PITPNM3: variants seen among roughly 807,000 people sequenced by gnomAD.
The protein encoded by PITPNM3 is PITPNM family member 3.
A neutral mutation model predicts 102.0 loss-of-function variants in PITPNM3; 26 were observed. The observed-to-expected ratio is 0.25, with a 90% CI of 0.19 to 0.35. The LOEUF is 0.35. Among genes scored for constraint, PITPNM3 ranks in the 10% least tolerant of loss-of-function variants. PITPNM3 has a pLI of 1.00. For missense variants in PITPNM3, 1,083 were observed against 1,346.1 expected (o/e 0.80, Z 3.06); for synonymous variants, 578 against 558.6 (o/e 1.03, Z -0.49).
At position 6,471,219 on chromosome 17, in the gene PITPNM3, G is replaced by A. The variant is rs1020154569; in HGVS notation, c.1566C>T (p.Ser522=). 1 of 1,613,312 alleles carries A rather than the reference G, an allele frequency of 6.2e-7. No individual in the cohort carries two copies. The part of the protein sequence containing the change: ...QRPGRRMSEG[S]SHSESSESSD... ...AGGACTCCGAGCTCTCGCTGTGGGA[G>A]CTCCCCTCGCTCATCCTCCGTCCTG... The change falls in exon 12 of 20, where the codon AGC becomes AGT. Residue 522 remains serine, a synonymous_variant. Transcript: ENST00000262483.
Position 6,472,646 on chromosome 17 carries a change from C to G in PITPNM3, c.1429+11G>C. ...AGCTCAGCACACTCTCTCCCACCCC[C>G]AAGAACCTACCGAGGAGGAGGGACT... On this transcript the variant is annotated intron_variant, in intron 11 of 19. Coordinates refer to ENST00000262483, the MANE Select transcript of PITPNM3 (RefSeq NM_031220.4). This position sits in a 1 kb window ranked among gnomAD's most constrained non-coding sequence, Gnocchi z 4.1. The G allele has an allele frequency of 6.2e-7, 1 of 1,610,772 alleles. No individual in the cohort carries two copies. Among genetic ancestry groups the G allele is most frequent in the Admixed American group, 1.7e-5 (1 of 59,786 alleles).
At chr17:6,491,460 T>C (rs974102658) in intron 4 of PITPNM3, among the ~76,000 whole-genome samples, 7 of 152,046 alleles carry the variant, frequency 4.6e-5, no homozygotes, top group African/African-American at 1.7e-4. Flanking sequence ...ACAGGGGAAA[T>C]TTTTAGCCAA....
intron 1 of PITPNM3, among the ~76,000 whole-genome samples, chr17:6,541,286 A>AGTGTGT (rs113549938): frequency 0.41 from 60,190 of 145,458 alleles, 13,000 homozygotes; most frequent in South Asian, 0.57. Flanking sequence ...ATATGCTAAG[A>AGTGTGT]GTGTGTGTGT....
intron 1 of PITPNM3, among the ~76,000 whole-genome samples, chr17:6,546,071 C>G (rs1024234835): frequency 6.6e-6 from 1 of 152,210 alleles, no homozygotes; most frequent in African/African-American, 2.4e-5. Context: ...GGCCAGCCAG[C>G]CTATCCTCAG....
chr17:6,518,683 A>G (rs967219880), intron 3 of PITPNM3, among the ~76,000 whole-genome samples: 5 of 152,240 alleles, frequency 3.3e-5, no homozygotes, highest in Admixed American at 6.5e-5. Flanking sequence ...AGTAAGAGCT[A>G]TTTCTTTGAA....
In PITPNM3 at chr17:6,458,473, G is replaced by C. The variant is rs1256305063; in HGVS notation, c.2491-751C>G. On this transcript the variant is annotated intron_variant, in intron 18 of 19. Transcript: ENST00000262483. This position sits in a 1 kb window ranked among gnomAD's most constrained non-coding sequence, Gnocchi z 5.1. ...TGGGATGACCCACGGTCTGCATGAC[G>C]TGAAGGATCTACCACCTCCCACCCG... 1.3e-5 allele frequency among the ~76,000 whole-genome samples: 2 copies of C among 152,146 alleles called. No homozygotes were observed. The highest frequency in any genetic ancestry group is 2.9e-5 in the Non-Finnish European group (2 of 68,022).
chr17:6,496,660 G>A lies in PITPNM3; in HGVS notation c.274+6867C>T, dbSNP rs75130130. 5.3e-3 allele frequency among the ~76,000 whole-genome samples: 802 copies of A among 152,222 alleles called. 8 individuals carry two copies. The highest frequency in any genetic ancestry group is 0.018 in the African/African-American group (750 of 41,530). On this transcript the variant is annotated intron_variant, in intron 4 of 19. Transcript: ENST00000262483. Reference sequence around the variant, plus strand: ...ACAAGATCCTTAAGGGCTGGGACTGGGTTTGATTTTGCTCTATTTTATCCC... The same window carrying A: ...ACAAGATCCTTAAGGGCTGGGACTGAGTTTGATTTTGCTCTATTTTATCCC...
At chr17:6,507,445 G>A (rs369354765) in intron 3 of PITPNM3, among the ~76,000 whole-genome samples, 7 of 152,142 alleles carry the variant, frequency 4.6e-5, no homozygotes, top group African/African-American at 1.2e-4. Flanking sequence ...TTAGCTGGGC[G>A]TGGTGGCGCA....
In PITPNM3 at chr17:6,477,979, G is replaced by A; in HGVS notation, c.896C>T (p.Thr299Ile). 3 of 1,612,796 alleles carry A rather than the reference G, an allele frequency of 1.9e-6. No homozygotes were observed. In the South Asian group the frequency reaches 3.3e-5, roughly 18 times the overall value. ...GGTCCTGTCCCCCGGCTGTACCTGG[G>A]TGCTGCTGATGCTCCCCTTCCGGCT... ...SSSRKGSISS[T>I]QDTPVAVEED... is the part of the protein sequence containing the mutation. Residue 299 changes from threonine to isoleucine, a missense_variant, in exon 8 of 20, where the codon ACC (threonine) becomes ATC (isoleucine). Around this residue, in one of 5 missense-constraint regions of PITPNM3, gnomAD observed 172 missense variants for 175.6 expected, o/e 0.98. Coordinates refer to ENST00000262483, the MANE Select transcript of PITPNM3 (RefSeq NM_031220.4).
rs1018783386 is a variant in PITPNM3, at chr17:6,459,651, A to G, written c.2490+1722T>C. ...ACTCACTCATTCATTTATTCATTCT[A>G]CCAACATTTATGGAGTCCCTACCAT... On this transcript the variant is annotated intron_variant, in intron 18 of 19. Transcript: ENST00000262483. The surrounding 1 kb of genome is among the most constrained non-coding windows in gnomAD (Gnocchi z 5.0). 2.6e-5 allele frequency among the ~76,000 whole-genome samples: 4 copies of G among 151,956 alleles called. No homozygotes were observed. Among genetic ancestry groups the G allele is most frequent in the Non-Finnish European group, 5.9e-5 (4 of 68,010 alleles).
chr17:6,492,621 C>T (rs1206270592), intron 4 of PITPNM3, among the ~76,000 whole-genome samples: 1 of 152,062 alleles, frequency 6.6e-6, no homozygotes, highest in Non-Finnish European at 1.5e-5. Flanking sequence ...CTTTGGGAGG[C>T]CAAGGTGGGT....
chr17:6,548,235 C>T (rs1001240640), intron 1 of PITPNM3, among the ~76,000 whole-genome samples: 2 of 152,172 alleles, frequency 1.3e-5, no homozygotes, highest in African/African-American at 4.8e-5. Flanking sequence ...AGATGGGACC[C>T]AAGGTTGCCT....
Position 6,477,091 on chromosome 17 carries a change from T to C in PITPNM3, c.1023A>G (p.Lys341=), listed in dbSNP as rs1383578271. The C allele has an allele frequency of 3.1e-6, 5 of 1,614,138 alleles. No individual in the cohort carries two copies. Among genetic ancestry groups the C allele is most frequent in the African/African-American group, 1.3e-5 (1 of 75,028 alleles). Residue 341 remains lysine (K), a synonymous_variant, in exon 9 of 20, where the codon AAA becomes AAG. Coordinates refer to ENST00000262483, the MANE Select transcript of PITPNM3 (RefSeq NM_031220.4). ...AGTCATAGGTGGAGGAGTCGCTCTG[T>C]TTCCGCGGCAACGGCCTCTTGGGCT... The part of the protein sequence containing the change: ...DEEPKRPLPR[K]QSDSSTYDCE...
At chr17:6,552,204 C>A (rs1910347932) in intron 1 of PITPNM3, among the ~76,000 whole-genome samples, 1 of 152,208 alleles carries the variant, frequency 6.6e-6, no homozygotes, top group Non-Finnish European at 1.5e-5. Context: ...GGAGGCCCAA[C>A]CCTGTGGCCT....
intron 8 of PITPNM3, 76 bp downstream of exon 8, chr17:6,477,899 C>G: frequency 6.3e-7 from 1 of 1,597,106 alleles, no homozygotes; most frequent in Non-Finnish European, 8.5e-7. Context: ...ACGTGAAGAA[C>G]CAGCACTCTC....
At chr17:6,542,427 T>C (rs997859548) in intron 1 of PITPNM3, among the ~76,000 whole-genome samples, 5 of 152,144 alleles carry the variant, frequency 3.3e-5, no homozygotes, top group Non-Finnish European at 7.4e-5. Context: ...CATGCATGCA[T>C]GCACACTCCC....
intron 2 of PITPNM3, among the ~76,000 whole-genome samples, chr17:6,536,314 C>G (rs1909427828): frequency 6.6e-6 from 1 of 152,210 alleles, no homozygotes; most frequent in Non-Finnish European, 1.5e-5. Flanking sequence ...GCGCCACCCA[C>G]AGATGCCTCT....
intron 10 of PITPNM3, among the ~76,000 whole-genome samples, chr17:6,474,049 C>A (rs7224893): frequency 3.9e-4 from 59 of 149,648 alleles, no homozygotes; most frequent in Non-Finnish European, 7.7e-4. Flanking sequence ...TGGGGATATG[C>A]GGGGGTGGGT....
rs1397597541 is a variant in PITPNM3, at chr17:6,478,156, C to G, written c.778-59G>C. ...CCACTGCTGACCCCTCACCCCCACA[C>G]CCGGCCAGAGCAGTGCTGCCTCCCC... is the stretch of plus-strand genomic sequence containing the variant. On this transcript the variant is annotated intron_variant, in intron 7 of 19. Transcript: ENST00000262483. This position sits in a 1 kb window ranked among gnomAD's most constrained non-coding sequence, Gnocchi z 4.4. 1.9e-6 allele frequency: 3 copies of G among 1,607,192 alleles called. No homozygotes were observed. The highest frequency in any genetic ancestry group is 2.5e-6 in the Non-Finnish European group (3 of 1,179,646).
Sources: allele counts gnomAD v4.1 joint callset (sites outside exome capture counted in the v4.1 genomes callset), GRCh38; gene constraint gnomAD v4.1.1; regional missense constraint gnomAD v4.1.1; non-coding constraint Gnocchi (gnomAD v3.1); transcripts MANE v1.5; gene names NCBI Gene and HGNC (gene_info 2026-07-23, HGNC 2026-07-21).